Variants in MTUS2 observed in about 807,000 individuals in gnomAD.
MTUS2 encodes the protein microtubule associated scaffold protein 2.
MTUS2 carries 40 observed loss-of-function variants against 114.1 expected under a neutral mutation model. That is an observed-to-expected ratio of 0.35 (90% CI 0.27 to 0.46). The LOEUF (loss-of-function observed/expected upper bound fraction) is 0.46, where lower values mean the gene tolerates loss of function less well. Among genes scored for constraint, MTUS2 ranks in the 20% least tolerant of loss-of-function variants. The pLI is 1.00. For missense variants in MTUS2, 1,679 were observed against 1,705.4 expected, an observed-to-expected ratio of 0.98 and a Z score of 0.27; for synonymous variants, 688 against 672.0, an observed-to-expected ratio of 1.02 and a Z score of -0.37.
chr13:28,885,676 A>G (rs558744549), intron 2 of MTUS2, among the ~76,000 whole-genome samples: 10 of 152,302 alleles, frequency 6.6e-5, no homozygotes, highest in Non-Finnish European at 1.0e-4. Context: ...ACATGCTTGT[A>G]TGGACCAATC....
rs547530340 is a variant in MTUS2 at position 29,259,354 on chromosome 13, AGT to A, written c.2645-22345_2645-22344del. Among the ~76,000 whole-genome samples the A allele has an allele frequency of 5.9e-5, 9 of 152,268 alleles. No individual in the cohort carries two copies. In the South Asian group the frequency reaches 8.3e-4, roughly 14 times the overall value. Reference sequence around the variant, plus strand: ...AAGAAAGCAACTGAAGAGAGAGAAGAGTGTGTAGAAGAATTCAAGTTCACGAG... The same window carrying A: ...AAGAAAGCAACTGAAGAGAGAGAAGAGTGTAGAAGAATTCAAGTTCACGAG... On this transcript the variant is annotated intron_variant, in intron 5 of 15. Coordinates refer to ENST00000612955, the MANE Select transcript of MTUS2 (RefSeq NM_001033602.4).
At chr13:29,339,738 A>G in intron 7 of MTUS2, 1 of 173,734 alleles carries the variant, frequency 5.8e-6, no homozygotes, top group Non-Finnish European at 1.2e-5. Context: ...GCATAGTCCC[A>G]GTTGGGAGGA....
chr13:29,428,745 A>T, intron 8 of MTUS2: 2 of 1,586,450 alleles, frequency 1.3e-6, no homozygotes, highest in East Asian at 2.3e-5. Flanking sequence ...GACAGCTCCC[A>T]GCGGCGCGCC....
chr13:28,921,838 A>G (rs1012755310), intron 2 of MTUS2, among the ~76,000 whole-genome samples: 1 of 152,124 alleles, frequency 6.6e-6, no homozygotes, highest in African/African-American at 2.4e-5. Flanking sequence ...GTAAAGTCTC[A>G]TGATTACGGT....
At chr13:28,989,699 G>A (rs894948308) in intron 2 of MTUS2, among the ~76,000 whole-genome samples, 77 of 152,174 alleles carry the variant, frequency 5.1e-4, no homozygotes, top group Non-Finnish European at 9.1e-4. Context: ...CTTCTGCTGG[G>A]GAGACAGTAT....
chr13:28,834,996 CTAAAAT>C (rs1234398638), intron 1 of MTUS2, among the ~76,000 whole-genome samples: 1 of 151,970 alleles, frequency 6.6e-6, no homozygotes, highest in Non-Finnish European at 1.5e-5. Context: ...ACTAAGATGG[CTAAAAT>C]TAAAAAGACA....
At chr13:29,357,411 A>C (rs891841377) in intron 7 of MTUS2, among the ~76,000 whole-genome samples, 1 of 152,254 alleles carries the variant, frequency 6.6e-6, no homozygotes, top group Admixed American at 6.5e-5. Flanking sequence ...AGTGCCTTCT[A>C]TTGTAACAGT....
At chr13:29,226,203 GGTTAA>G (rs535106145) in intron 5 of MTUS2, among the ~76,000 whole-genome samples, 2 of 151,876 alleles carry the variant, frequency 1.3e-5, no homozygotes, top group Non-Finnish European at 2.9e-5. Context: ...ATTCACTTTA[GGTTAA>G]GTTAAAAGAT....
intron 8 of MTUS2, among the ~76,000 whole-genome samples, chr13:29,426,497 G>A (rs1876540771): frequency 6.6e-6 from 1 of 152,144 alleles, no homozygotes; most frequent in African/African-American, 2.4e-5. Flanking sequence ...CATCTTCTAA[G>A]ACTAAAACTC....
chr13:29,167,925 A>G (rs2139105558), intron 5 of MTUS2, among the ~76,000 whole-genome samples: 1 of 152,348 alleles, frequency 6.6e-6, no homozygotes, highest in South Asian at 2.1e-4. Flanking sequence ...AAATAGGAGT[A>G]CATGACAGGC....
chr13:28,965,290 C>T (rs1220062669), intron 2 of MTUS2, among the ~76,000 whole-genome samples: 9 of 152,148 alleles, frequency 5.9e-5, no homozygotes, highest in African/African-American at 2.2e-4. Flanking sequence ...CAAGTGGCCT[C>T]TAAGTCACTT....
At position 29,503,248 on chromosome 13, in the gene MTUS2, C is replaced by G. The variant is rs201657581; in HGVS notation, c.*42C>G. ...GCGGGAGCTCCGGCTTCTCGTCCTC[C>G]GGTCTCCACCCTGAGGGAGCACCGA... On this transcript the variant is annotated 3_prime_UTR_variant, in exon 16 of 16. Coordinates refer to ENST00000612955, the MANE Select transcript of MTUS2 (RefSeq NM_001033602.4). 177 of 1,600,758 alleles carry G rather than the reference C, an allele frequency of 1.1e-4. No individual in the cohort carries two copies. Among genetic ancestry groups the G allele is most frequent in the Admixed American group, 3.8e-4 (23 of 59,864 alleles).
At chr13:29,302,061 G>C (rs907407963) in intron 6 of MTUS2, among the ~76,000 whole-genome samples, 1 of 152,166 alleles carries the variant, frequency 6.6e-6, no homozygotes, top group Non-Finnish European at 1.5e-5. Flanking sequence ...ATTGGATTTC[G>C]GGGATGGATC....
chr13:29,218,919 G>A (rs1376647238), intron 5 of MTUS2, among the ~76,000 whole-genome samples: 1 of 151,264 alleles, frequency 6.6e-6, no homozygotes, highest in African/African-American at 2.4e-5. Flanking sequence ...ATGAACATTG[G>A]CGTTAACTTA....
At chr13:28,889,624 T>C (rs910524339) in intron 2 of MTUS2, among the ~76,000 whole-genome samples, 3 of 152,192 alleles carry the variant, frequency 2.0e-5, no homozygotes, top group Admixed American at 1.3e-4. Flanking sequence ...TGCTGAAATA[T>C]GCATTTCAAA....
chr13:29,389,835 ATACATACATATG>A (rs377469653), intron 8 of MTUS2, among the ~76,000 whole-genome samples: 1 of 4,422 alleles, frequency 2.3e-4, no homozygotes, highest in Admixed American at 4.8e-3. Flanking sequence ...ATGTGTATAT[ATACATACATATG>A]TGTATATATA....
chr13:28,854,343 A>G (rs7328163), intron 2 of MTUS2, among the ~76,000 whole-genome samples: 2,432 of 152,298 alleles, frequency 0.016, 75 homozygotes, highest in African/African-American at 0.056. Flanking sequence ...ACTTCTAGTT[A>G]TGTTGCTTAC....
intron 7 of MTUS2, among the ~76,000 whole-genome samples, chr13:29,336,090 T>C (rs1456740932): frequency 6.6e-6 from 1 of 152,156 alleles, no homozygotes; most frequent in Non-Finnish European, 1.5e-5. Flanking sequence ...TCCTCTAACC[T>C]TTGTTCAAGG....
chr13:29,025,131 G>C lies in MTUS2; in HGVS notation c.433G>C (p.Asp145His). 6.2e-7 allele frequency: 1 copy of C among 1,613,972 alleles called. No individual in the cohort carries two copies. Among genetic ancestry groups the C allele is most frequent in the Non-Finnish European group, 8.5e-7 (1 of 1,179,896 alleles). ...GAATGTGATGAGTGAGGCCAGTCTA[G>C]ACGTTTTGGCTAAAAGGGATGCTGA... is the stretch of plus-strand genomic sequence containing the variant. ...WRNVMSEASL[D>H]VLAKRDAEIP... The change falls in exon 3 of 16, where the codon GAC (aspartate) becomes CAC (histidine). Residue 145 changes from aspartate to histidine, a missense_variant. Around this residue, in one of 3 missense-constraint regions of MTUS2, gnomAD observed 843 missense variants for 770.8 expected, o/e 1.09. Coordinates refer to ENST00000612955, the MANE Select transcript of MTUS2 (RefSeq NM_001033602.4).
Sources: gnomAD v4.1 joint callset for allele counts (sites outside exome capture counted in the v4.1 genomes callset) on GRCh38, gnomAD v4.1.1 for gene constraint, gnomAD v4.1.1 regional missense constraint, MANE v1.5 for transcripts, NCBI Gene and HGNC (gene_info 2026-07-23, HGNC 2026-07-21) for gene names.